Variants in UMAD1 observed in about 807,000 individuals in gnomAD.
UMAD1 encodes UBAP1-MVB12-associated (UMA)-domain containing protein 1.
Under a neutral mutation model 6.1 loss-of-function variants are expected in UMAD1, and 8 were observed. The observed-to-expected ratio is 1.30, with a 90% confidence interval of 0.76 to 2.35. The LOEUF (loss-of-function observed/expected upper bound fraction) is 2.35, where lower values mean the gene tolerates loss of function less well. Among genes scored for constraint, UMAD1 ranks in the 30% most tolerant of loss-of-function variants. The pLI is 0.00. For synonymous variants in UMAD1, 56 were observed against 31.4 expected (o/e 1.78, Z -2.61); for missense variants, 130 against 78.4 (o/e 1.66, Z -2.49).
chr7:7,844,457 A>G (rs1357067662), intron 3 of UMAD1, among the ~76,000 whole-genome samples: 1 of 152,080 alleles, frequency 6.6e-6, no homozygotes, highest in African/African-American at 2.4e-5. Context: ...TATTGTTAGT[A>G]GGTCCTCTTA....
At chr7:7,791,567 A>T (rs1264125530) in intron 2 of UMAD1, among the ~76,000 whole-genome samples, 1 of 152,218 alleles carries the variant, frequency 6.6e-6, no homozygotes, top group African/African-American at 2.4e-5. Context: ...AATTGTTTTT[A>T]ACAAAGTGTT....
chr7:7,871,202 C>T (rs75296340), intron 3 of UMAD1, among the ~76,000 whole-genome samples: 3,154 of 152,240 alleles, frequency 0.021, 125 homozygotes, highest in African/African-American at 0.071. Context: ...TTTCTCAGTC[C>T]TTTCTTCTTT....
chr7:7,640,997 G>A (rs1464684703), intron 1 of UMAD1, 176 bp downstream of exon 1: 1 of 153,394 alleles, frequency 6.5e-6, no homozygotes, highest in Non-Finnish European at 1.5e-5. Context: ...CGTGGGAGGC[G>A]CGGGAGTTTT....
intron 2 of UMAD1, among the ~76,000 whole-genome samples, chr7:7,793,968 A>G (rs940813177): frequency 6.6e-6 from 1 of 152,146 alleles, no homozygotes; most frequent in Non-Finnish European, 1.5e-5. Context: ...TTTAAGTTTC[A>G]TCACTGCAGA....
chr7:7,866,870 A>G (rs1784238188), intron 3 of UMAD1, among the ~76,000 whole-genome samples: 1 of 152,160 alleles, frequency 6.6e-6, no homozygotes, highest in South Asian at 2.1e-4. Context: ...GTAAAGCTGT[A>G]CATGGGAAAC....
intron 3 of UMAD1, among the ~76,000 whole-genome samples, chr7:7,819,039 G>A (rs1019254949): frequency 1.3e-5 from 2 of 151,940 alleles, no homozygotes; most frequent in Admixed American, 6.6e-5. Flanking sequence ...TAGTAGAGAC[G>A]GGTTTTCACC....
chr7:7,744,441 G>A (rs1253356633), intron 2 of UMAD1, among the ~76,000 whole-genome samples: 1 of 152,158 alleles, frequency 6.6e-6, no homozygotes, highest in African/African-American at 2.4e-5. Context: ...ATACCTAGGA[G>A]TAGAATTGCT....
intron 2 of UMAD1, among the ~76,000 whole-genome samples, chr7:7,755,083 C>T (rs1356071938): frequency 6.6e-6 from 1 of 152,126 alleles, no homozygotes; most frequent in Non-Finnish European, 1.5e-5. Context: ...ATCTCAAAAC[C>T]AAATTCCAAG....
chr7:7,850,773 T>G (rs1783900295), intron 3 of UMAD1, among the ~76,000 whole-genome samples: 1 of 152,122 alleles, frequency 6.6e-6, no homozygotes, highest in African/African-American at 2.4e-5. Context: ...CAATTATTAC[T>G]AGAATAATGC....
In UMAD1 at chr7:7,830,188, C is replaced by T. The variant is rs368821235; in HGVS notation, c.156+28445C>T. Among the ~76,000 whole-genome samples, 7 of 152,328 alleles carry T rather than the reference C, an allele frequency of 4.6e-5. No individual in the cohort carries two copies. The East Asian group carries it at 1.4e-3, about 29-fold the overall frequency. On this transcript the variant is annotated intron_variant, in intron 3 of 3. Coordinates refer to ENST00000682710, the MANE Select transcript of UMAD1 (RefSeq NM_001302348.2). This position sits in a 1 kb window ranked among gnomAD's most constrained non-coding sequence, Gnocchi z 5.3. Reference sequence around the variant, plus strand: ...AGGTCTGGCCAAGCCCCTGCTAGGACTGTGTCTACCTTGTACGTTGTGCTG... The same window carrying T: ...AGGTCTGGCCAAGCCCCTGCTAGGATTGTGTCTACCTTGTACGTTGTGCTG...
At chr7:7,802,060 T>C (rs6463723) in intron 3 of UMAD1, among the ~76,000 whole-genome samples, 139,201 of 152,360 alleles carry the variant, frequency 0.91, 63,719 homozygotes, top group African/African-American at 0.97. Flanking sequence ...ATAGGCAGTA[T>C]ATTAACTTGT....
intron 3 of UMAD1, among the ~76,000 whole-genome samples, chr7:7,846,361 GT>G (rs749244695): frequency 1.4e-4 from 22 of 152,034 alleles, no homozygotes; most frequent in Non-Finnish European, 2.1e-4. Flanking sequence ...TGAACTAACA[GT>G]TTTTGGTCAA....
At chr7:7,818,748 C>T (rs974043744) in intron 3 of UMAD1, among the ~76,000 whole-genome samples, 5 of 152,180 alleles carry the variant, frequency 3.3e-5, no homozygotes, top group African/African-American at 1.2e-4. Context: ...ATAGCAAAGA[C>T]ATGGAATCAA....
At chr7:7,742,142 A>AAT in intron 2 of UMAD1, 1 of 640,538 alleles carries the variant, frequency 1.6e-6, no homozygotes, top group South Asian at 1.4e-5. Flanking sequence ...GAGGCAGTTG[A>AAT]ATATATGCCT....
intron 2 of UMAD1, among the ~76,000 whole-genome samples, chr7:7,696,100 G>A (rs1033595578): frequency 2.0e-5 from 3 of 150,650 alleles, no homozygotes; most frequent in African/African-American, 7.3e-5. Context: ...CTACCTCCTG[G>A]GTTCAAGCGA....
intron 2 of UMAD1, among the ~76,000 whole-genome samples, chr7:7,775,294 A>T (rs1782181226): frequency 6.6e-6 from 1 of 152,192 alleles, no homozygotes; most frequent in African/African-American, 2.4e-5. Context: ...TCTCATCTTG[A>T]ACTGTAATCC....
chr7:7,642,049 C>G (rs1784985606), intron 1 of UMAD1, among the ~76,000 whole-genome samples: 1 of 152,204 alleles, frequency 6.6e-6, no homozygotes, highest in Non-Finnish European at 1.5e-5. Flanking sequence ...TTTTATATTA[C>G]AGCTTTAAGT....
In UMAD1 at chr7:7,771,700, T is replaced by A. The variant is rs1194393573; in HGVS notation, c.83-29970T>A. Among the ~76,000 whole-genome samples the A allele has an allele frequency of 2.0e-5, 3 of 152,132 alleles. No individual in the cohort carries two copies. The East Asian group carries it at 5.8e-4, about 29-fold the overall frequency. ...ATCTTCTTAAGGGCAGGGATAGAAATTAGAGCAATCAAATAATTCATCCAA... is the reference window on the plus strand; with the variant it reads ...ATCTTCTTAAGGGCAGGGATAGAAAATAGAGCAATCAAATAATTCATCCAA... On this transcript the variant is annotated intron_variant, in intron 2 of 3. Transcript: ENST00000682710.
At chr7:7,728,519 C>T (rs554061267) in intron 2 of UMAD1, among the ~76,000 whole-genome samples, 2 of 152,152 alleles carry the variant, frequency 1.3e-5, no homozygotes, top group African/African-American at 4.8e-5. Flanking sequence ...TGGCGTGCAC[C>T]TGTAGTCCGA....
Sources: gnomAD v4.1 joint callset for allele counts (sites outside exome capture counted in the v4.1 genomes callset) on GRCh38, gnomAD v4.1.1 for gene constraint, Gnocchi (gnomAD v3.1) non-coding constraint, MANE v1.5 for transcripts, NCBI Gene and HGNC (gene_info 2026-07-23, HGNC 2026-07-21) for gene names.